The following LRRC49 variants were observed in gnomAD, a reference collection of about 807,000 sequenced individuals.
LRRC49 encodes leucine rich repeat containing 49, also known as leucine-rich repeat-containing protein 49.
A neutral mutation model predicts 83.3 loss-of-function variants in LRRC49; 50 were observed. The observed-to-expected ratio is 0.60, with a 90% CI of 0.48 to 0.76. LRRC49 has a LOEUF of 0.76. LRRC49 is among the 30% of genes least tolerant of loss of function. The probability of loss-of-function intolerance (pLI) is 0.00; values close to 1 mark genes in which losing one functional copy is unlikely to be tolerated. For missense variants in LRRC49, 704 were observed against 809.1 expected (o/e 0.87, Z 1.58); for synonymous variants, 286 against 283.3 (o/e 1.01, Z -0.10).
chr15:71,003,423 C>A (rs1670542582), intron 11 of LRRC49, among the ~76,000 whole-genome samples: 1 of 152,122 alleles, frequency 6.6e-6, no homozygotes, highest in African/African-American at 2.4e-5. Flanking sequence ...TTAAACAGAT[C>A]CTCCAGAGAA....
intron 1 of LRRC49, among the ~76,000 whole-genome samples, chr15:70,861,117 A>T (rs2032778582): frequency 6.6e-6 from 1 of 152,160 alleles, no homozygotes; most frequent in African/African-American, 2.4e-5. Context: ...CTGTATTTTG[A>T]TATATTTTTG....
At chr15:70,864,175 G>A (rs2032861255) in intron 1 of LRRC49, among the ~76,000 whole-genome samples, 1 of 152,144 alleles carries the variant, frequency 6.6e-6, no homozygotes, top group South Asian at 2.1e-4. Context: ...GTGTTTGAGG[G>A]GCTAGGTTTG....
chr15:70,855,894 C>T (rs1018433740), intron 1 of LRRC49, among the ~76,000 whole-genome samples: 1 of 152,210 alleles, frequency 6.6e-6, no homozygotes, highest in African/African-American at 2.4e-5. Flanking sequence ...CCTCTGCAAA[C>T]ACCTGTGATG....
chr15:70,865,325 C>A (rs2032885974), intron 1 of LRRC49, among the ~76,000 whole-genome samples: 1 of 151,492 alleles, frequency 6.6e-6, no homozygotes, highest in Non-Finnish European at 1.5e-5. Flanking sequence ...TTATCACCAT[C>A]TTTTTTCACC....
intron 7 of LRRC49, among the ~76,000 whole-genome samples, chr15:70,928,475 A>G (rs981100015): frequency 6.6e-6 from 1 of 152,100 alleles, no homozygotes; most frequent in Non-Finnish European, 1.5e-5. Context: ...AAAATGTGGT[A>G]ATTTTATTAG....
At chr15:71,037,434 TG>T in intron 15 of LRRC49, 102 bp downstream of exon 15, 1 of 977,336 alleles carries the variant, frequency 1.0e-6, no homozygotes, top group South Asian at 1.9e-5. Flanking sequence ...ATAACTTTTT[TG>T]TTCTGGAATA....
chr15:70,964,041 G>A (rs1412879323), intron 9 of LRRC49, 109 bp downstream of exon 9: 4 of 1,086,016 alleles, frequency 3.7e-6, no homozygotes, highest in East Asian at 5.2e-5. Context: ...TGAACTATGG[G>A]TTATCATGAT....
At position 70,901,607 on chromosome 15, in the gene LRRC49, C is replaced by G. The variant is rs562017644; in HGVS notation, c.296+583C>G. Among the ~76,000 whole-genome samples, 5 of 152,280 alleles carry G rather than the reference C, an allele frequency of 3.3e-5. No homozygotes were observed. The East Asian group carries it at 9.6e-4, about 29-fold the overall frequency. ...TGGCCATCCTCTCCAAAATTGCAACCCCTTCCACACTGAAGTCTCTAGCCC... is the reference window on the plus strand; with the variant it reads ...TGGCCATCCTCTCCAAAATTGCAACGCCTTCCACACTGAAGTCTCTAGCCC... On this transcript the variant is annotated intron_variant, in intron 4 of 15. Coordinates refer to ENST00000260382, the MANE Select transcript of LRRC49 (RefSeq NM_017691.5).
Position 70,984,147 on chromosome 15 carries a change from A to T in LRRC49, c.1059A>T (p.Gln353His). ...NNVARQWDLQQQRVANIATNE... is the reference protein window; with the variant it reads ...NNVARQWDLQHQRVANIATNE... ...TAGCTCGACAGTGGGACTTGCAACA[A>T]CAACGAGTAGCCAATATTGCTACAA... The change falls in exon 11 of 16, where the codon CAA (glutamine) becomes CAT (histidine). Residue 353 changes from glutamine to histidine, a missense_variant. Coordinates refer to ENST00000260382, the MANE Select transcript of LRRC49 (RefSeq NM_017691.5). The T allele has an allele frequency of 1.2e-6, 2 of 1,613,010 alleles. No homozygotes were observed. The highest frequency in any genetic ancestry group is 1.7e-6 in the Non-Finnish European group (2 of 1,179,208).
At chr15:70,959,103 A>T (rs1167063179) in intron 8 of LRRC49, among the ~76,000 whole-genome samples, 1 of 152,248 alleles carries the variant, frequency 6.6e-6, no homozygotes, top group Non-Finnish European at 1.5e-5. Context: ...AGTATTTATA[A>T]AGTATTTGTG....
At chr15:70,934,179 C>A (rs1490393612) in intron 7 of LRRC49, among the ~76,000 whole-genome samples, 1 of 152,128 alleles carries the variant, frequency 6.6e-6, no homozygotes, top group Non-Finnish European at 1.5e-5. Flanking sequence ...ATTAGAGGAG[C>A]CATCCCCTAG....
chr15:70,980,379 G>A (rs1047301344), intron 10 of LRRC49, among the ~76,000 whole-genome samples, 195 bp downstream of exon 10: 1 of 152,040 alleles, frequency 6.6e-6, no homozygotes, highest in African/African-American at 2.4e-5. Context: ...AATAAAATAT[G>A]ATATACATTA....
At chr15:71,005,664 G>A (rs2141257390) in intron 11 of LRRC49, among the ~76,000 whole-genome samples, 1 of 152,276 alleles carries the variant, frequency 6.6e-6, no homozygotes, top group East Asian at 1.9e-4. Flanking sequence ...TATGATCTCA[G>A]TGTTGATTGT....
chr15:70,961,637 A>G (rs952334661), intron 8 of LRRC49, among the ~76,000 whole-genome samples: 9 of 152,212 alleles, frequency 5.9e-5, no homozygotes, highest in Non-Finnish European at 1.2e-4. Context: ...AAGTGAAAGA[A>G]GTCAATCTGA....
At chr15:71,019,042 T>C (rs555272284) in intron 14 of LRRC49, among the ~76,000 whole-genome samples, 1 of 152,306 alleles carries the variant, frequency 6.6e-6, no homozygotes, top group African/African-American at 2.4e-5. Context: ...CCATGCCCTC[T>C]CCAGGCATAC....
chr15:71,047,572 C>G (rs910097265), intron 15 of LRRC49, among the ~76,000 whole-genome samples: 2 of 152,076 alleles, frequency 1.3e-5, no homozygotes, highest in Admixed American at 6.6e-5. Context: ...AATTTGAGAG[C>G]CTTTTGGCAG....
At chr15:70,855,051 C>T (rs1421203535) in intron 1 of LRRC49, among the ~76,000 whole-genome samples, 1 of 151,994 alleles carries the variant, frequency 6.6e-6, no homozygotes, top group Non-Finnish European at 1.5e-5. Context: ...TGAATAAGAC[C>T]GGCCGGGCGC....
intron 7 of LRRC49, among the ~76,000 whole-genome samples, chr15:70,922,627 CTA>C (rs1011141921): frequency 3.3e-5 from 5 of 151,850 alleles, no homozygotes; most frequent in African/African-American, 1.2e-4. Context: ...AATAGGGTGA[CTA>C]TAGTCAATAA....
chr15:70,892,349 C>G, upstream of LRRC49: 1 of 1,548,514 alleles, frequency 6.5e-7, no homozygotes, highest in East Asian at 2.4e-5. Flanking sequence ...GCGGCCTCGG[C>G]GAGGCAAGTC....
Sources: allele counts gnomAD v4.1 joint callset (sites outside exome capture counted in the v4.1 genomes callset), GRCh38; gene constraint gnomAD v4.1.1; transcripts MANE v1.5; gene names NCBI Gene and HGNC (gene_info 2026-07-23, HGNC 2026-07-21).